Variants in EGFL6 observed in about 807,000 individuals in gnomAD.
EGFL6 encodes epidermal growth factor-like protein 6.
A neutral mutation model predicts 43.1 loss-of-function variants in EGFL6; 42 were observed. The observed-to-expected ratio is 0.98, with a 90% CI of 0.76 to 1.26. The LOEUF is 1.26. Among genes scored for constraint, EGFL6 ranks in the 50% most tolerant of loss-of-function variants. The pLI, the probability that EGFL6 is intolerant of heterozygous loss-of-function variation, is 0.00. For synonymous variants in EGFL6, 164 were observed against 163.2 expected (o/e 1.01, Z -0.04); for missense variants, 429 against 427.8 (o/e 1.00, Z -0.02).
At position 13,589,556 on chromosome X, in the gene EGFL6, T is replaced by C; in HGVS notation, c.75T>C (p.Ser25=). The change falls in exon 2 of 12, where the codon AGT becomes AGC. Residue 25 remains serine (S), a splice_region_variant and synonymous_variant. Transcript: ENST00000361306. ...WVAGGFGNAA[S]ARHHGLLASA... is the part of the protein sequence containing the mutation. ...CTAACATGTAGTTCTTTATCTGCAGTGCAAGGCATCACGGGTTGTTAGCAT... is the reference window on the plus strand; with the variant it reads ...CTAACATGTAGTTCTTTATCTGCAGCGCAAGGCATCACGGGTTGTTAGCAT... 2 of 1,208,205 alleles carry C rather than the reference T, an allele frequency of 1.7e-6. No individual in the cohort carries two copies. The highest frequency in any genetic ancestry group is 2.2e-6 in the Non-Finnish European group (2 of 893,079).
chrX:13,594,403 C>T (rs5934116), intron 2 of EGFL6, among the ~76,000 whole-genome samples: 48,964 of 110,392 alleles, frequency 0.44, 8,319 homozygotes, highest in East Asian at 0.8. Flanking sequence ...GGGCTAGAAG[C>T]AGCACCTTCC....
chrX:13,603,559 A>T, intron 5 of EGFL6, 123 bp downstream of exon 5: 1 of 852,938 alleles, frequency 1.2e-6, no homozygotes, highest in Middle Eastern at 3.0e-4. Context: ...AAAAGTACAG[A>T]TTTATATCAG....
In EGFL6 at chrX:13,599,965, G is replaced by A. The variant is rs200525566; in HGVS notation, c.281-10G>A. On this transcript the variant is annotated splice_polypyrimidine_tract_variant and intron_variant, in intron 3 of 11. Transcript: ENST00000361306. ...GTTCACCTTTCCCTGTTTTCTAAAT[G>A]TCCCTGCAGATGTGAATGAGTGTGG... is the stretch of plus-strand genomic sequence containing the variant. 6.2e-5 allele frequency: 75 copies of A among 1,206,787 alleles called. No individual in the cohort carries two copies. The highest frequency in any genetic ancestry group is 8.3e-5 in the Non-Finnish European group (74 of 893,535).
chrX:13,601,708 CCTT>C (rs2045635204), intron 4 of EGFL6, among the ~76,000 whole-genome samples: 1 of 111,849 alleles, frequency 8.9e-6, no homozygotes, highest in Non-Finnish European at 1.9e-5. Context: ...TTTAAAAAAT[CCTT>C]ATTATTATAA....
intron 3 of EGFL6, among the ~76,000 whole-genome samples, chrX:13,599,549 G>A (rs899435054): frequency 9.1e-6 from 1 of 109,801 alleles, no homozygotes; most frequent in Non-Finnish European, 1.9e-5. Context: ...TTGCTATATA[G>A]TATTCCATTG....
chrX:13,629,855 T>C (rs1389487336), intron 11 of EGFL6, among the ~76,000 whole-genome samples: 1 of 111,446 alleles, frequency 9.0e-6, no homozygotes, highest in African/African-American at 3.3e-5. Context: ...CTAAAAATGG[T>C]CCAGACATTA....
intron 1 of EGFL6, among the ~76,000 whole-genome samples, chrX:13,584,143 A>G (rs1357160922): frequency 8.9e-6 from 1 of 112,087 alleles, no homozygotes; most frequent in East Asian, 2.8e-4. Context: ...TAAGGCATAG[A>G]AAGACAAAGT....
At position 13,600,735 on chromosome X, in the gene EGFL6, T is replaced by TAA. The variant is rs61660775; in HGVS notation, c.400+658_400+659dup. Among the ~76,000 whole-genome samples the TAA allele has an allele frequency of 4.7e-3, 237 of 50,413 alleles. 3 individuals are homozygous for TAA. The highest frequency in any genetic ancestry group is 0.016 in the African/African-American group (225 of 14,073). 43.8% of individuals were successfully genotyped at this position (50,413 alleles called of 115,157 possible). A position where few individuals can be genotyped will look rare whatever the true frequency, so the allele number is the denominator to read the frequency against. The stretch of plus-strand genomic sequence containing the variant: ...CAACATGACGAAACCCTGTCTCTAC[T>TAA]AAAAAAAAAAAAAAAAAATACAAAA... On this transcript the variant is annotated intron_variant, in intron 4 of 11. Coordinates refer to ENST00000361306, the MANE Select transcript of EGFL6 (RefSeq NM_015507.4).
chrX:13,591,408 C>G (rs1455768224), intron 2 of EGFL6, among the ~76,000 whole-genome samples: 1 of 111,607 alleles, frequency 9.0e-6, no homozygotes, highest in Admixed American at 9.5e-5. Context: ...AAAATGCTCA[C>G]TATGCAAGTT....
chrX:13,600,136 G>C lies in EGFL6; in HGVS notation c.400+42G>C, dbSNP rs189502031. On this transcript the variant is annotated intron_variant, in intron 4 of 11. Transcript: ENST00000361306. ...AGGCTGATCTCAGTCAATGTTTAAG[G>C]CTTGGCTTTTGCCATTTGATGCTTG... The C allele has an allele frequency of 5.0e-5, 59 of 1,175,664 alleles. No homozygotes were observed. The East Asian group carries it at 1.4e-3, about 27-fold the overall frequency.
chrX:13,616,471 G>A (rs1212287026), intron 7 of EGFL6, among the ~76,000 whole-genome samples: 1 of 110,482 alleles, frequency 9.1e-6, no homozygotes, highest in Non-Finnish European at 1.9e-5. Context: ...TTAGCCAGGT[G>A]TGGTGGCACG....
At chrX:13,598,965 T>A (rs73633575) in intron 3 of EGFL6, among the ~76,000 whole-genome samples, 1,051 of 104,576 alleles carry the variant, frequency 0.01, 13 homozygotes, top group African/African-American at 0.035. Flanking sequence ...TATATTTTTT[T>A]AAATCATCCA....
chrX:13,615,031 C>T (rs940108708), intron 7 of EGFL6, among the ~76,000 whole-genome samples: 3 of 112,258 alleles, frequency 2.7e-5, no homozygotes, highest in Non-Finnish European at 5.6e-5. Flanking sequence ...GGATTACAGG[C>T]GTGAGCCACC....
Position 13,608,387 on chromosome X carries a change from A to G in EGFL6, c.719A>G (p.Gln240Arg), listed in dbSNP as rs140902386. 7 of 1,209,391 alleles carry G rather than the reference A, an allele frequency of 5.8e-6. No individual in the cohort carries two copies. The African/African-American group carries it at 1.2e-4, about 21-fold the overall frequency. Residue 240 changes from glutamine (Q) to arginine (R), a missense_variant, in exon 7 of 12, where the codon CAA becomes CGA. Transcript: ENST00000361306. Reference protein sequence around the residue: ...CSHHANCFNTQGSFKCKCKQG... With the variant: ...CSHHANCFNTRGSFKCKCKQG... Reference sequence around the variant, plus strand: ...CACCATGCCAATTGCTTCAATACCCAAGGGTCCTTCAAGTGTAAATGCAAG... The same window carrying G: ...CACCATGCCAATTGCTTCAATACCCGAGGGTCCTTCAAGTGTAAATGCAAG...
At chrX:13,578,065 G>A (rs1392141731) in intron 1 of EGFL6, among the ~76,000 whole-genome samples, 1 of 112,148 alleles carries the variant, frequency 8.9e-6, no homozygotes, top group African/African-American at 3.2e-5. Context: ...CAGATTTAAT[G>A]AATTTAAGTA....
intron 1 of EGFL6, among the ~76,000 whole-genome samples, chrX:13,584,298 G>T (rs2045523468): frequency 9.0e-6 from 1 of 111,310 alleles, no homozygotes; most frequent in African/African-American, 3.3e-5. Flanking sequence ...TCCTCATTTG[G>T]CTTTCCCAAC....
intron 9 of EGFL6, among the ~76,000 whole-genome samples, chrX:13,619,760 T>C (rs1166360400): frequency 8.9e-6 from 1 of 111,802 alleles, no homozygotes; most frequent in Non-Finnish European, 1.9e-5. Context: ...GGCTCACTCA[T>C]GTGTCCACAT....
chrX:13,608,341 A>G lies in EGFL6; in HGVS notation c.673A>G (p.Met225Val), dbSNP rs751727031. The G allele has an allele frequency of 2.5e-6, 3 of 1,211,431 alleles. No homozygotes were observed. In the South Asian group the frequency reaches 5.3e-5, roughly 21 times the overall value. Residue 225 changes from methionine (M) to valine (V), a missense_variant, in exon 7 of 12, where the codon ATG (methionine) becomes GTG (valine). Coordinates refer to ENST00000361306, the MANE Select transcript of EGFL6 (RefSeq NM_015507.4). ...YDCIDINECT[M>V]DSHTCSHHAN... is the part of the protein sequence containing the mutation. ...TTTTTTAGATATAAATGAATGTACT[A>G]TGGATAGCCATACGTGCAGCCACCA...
chrX:13,628,855 G>A (rs929162853), intron 11 of EGFL6, among the ~76,000 whole-genome samples: 1 of 112,296 alleles, frequency 8.9e-6, no homozygotes, highest in Non-Finnish European at 1.9e-5. Context: ...GGTCAAGGTG[G>A]GAAGGAAAAA....
Sources: gnomAD v4.1 joint callset for allele counts (sites outside exome capture counted in the v4.1 genomes callset) on GRCh38, gnomAD v4.1.1 for gene constraint, MANE v1.5 for transcripts, NCBI Gene and HGNC (gene_info 2026-07-23, HGNC 2026-07-21) for gene names.